CELF2: variants seen among roughly 807,000 people sequenced by gnomAD.
The protein encoded by CELF2 is CUGBP Elav-like family member 2.
In CELF2, 8 loss-of-function variants were observed where a neutral mutation model predicts 62.6. The observed-to-expected ratio is 0.13, with a 90% confidence interval of 0.07 to 0.23. The LOEUF (loss-of-function observed/expected upper bound fraction) is 0.23. Among genes scored for constraint, CELF2 ranks in the 10% least tolerant of loss-of-function variants. CELF2 has a pLI of 1.00. For missense variants in CELF2, 333 were observed against 671.0 expected (o/e 0.50, Z 5.56); for synonymous variants, 258 against 250.0 (o/e 1.03, Z -0.30).
Position 11,159,278 on chromosome 10 carries a change from T to G in CELF2, c.75-6208T>G, listed in dbSNP as rs1037100310. On this transcript the variant is annotated intron_variant, in intron 1 of 12. Transcript: ENST00000633077. This position sits in a 1 kb window ranked among gnomAD's most constrained non-coding sequence, Gnocchi z 5.0. The stretch of plus-strand genomic sequence containing the variant: ...TGATAACCAAAACATTTTGTTAAAT[T>G]TACCCAAAGTTTTCAGCAGCCCTGG... 6.6e-6 allele frequency among the ~76,000 whole-genome samples: 1 copy of G among 152,216 alleles called. No homozygotes were observed. The highest frequency in any genetic ancestry group is 1.9e-4 in the East Asian group (1 of 5,202).
the CELF2 span, among the ~76,000 whole-genome samples, chr10:10,466,379 T>C: frequency 8.5e-5 from 13 of 152,172 alleles, no homozygotes; most frequent in African/African-American, 2.7e-4. Flanking sequence ...TACTGTTGCA[T>C]ACATCAGTAG....
chr10:10,990,303 A>T lies in CELF2; in HGVS notation c.89+70304A>T, dbSNP rs2053286040. On this transcript the variant is annotated intron_variant, in intron 2 of 13. Transcript: ENST00000636488. The surrounding 1 kb of genome is among the most constrained non-coding windows in gnomAD (Gnocchi z 4.6). ...AAAAGGATTAAAAATTCTGATCAAT[A>T]CAACCACAGTTTTATATAAAGAGAC... is the stretch of plus-strand genomic sequence containing the variant. Among the ~76,000 whole-genome samples, 2 of 151,588 alleles carry T rather than the reference A, an allele frequency of 1.3e-5. No homozygotes were observed. The highest frequency in any genetic ancestry group is 3.0e-5 in the Non-Finnish European group (2 of 67,732).
intron 2 of CELF2, among the ~76,000 whole-genome samples, chr10:10,985,470 C>G (rs984273942): frequency 7.9e-5 from 12 of 152,066 alleles, no homozygotes; most frequent in Admixed American, 2.0e-4. Flanking sequence ...GAAGAAAGGG[C>G]CCTTTTGTAA....
chr10:11,285,573 G>GA lies in CELF2; in HGVS notation c.842-2845_842-2844insA, dbSNP rs997054045. 2.0e-5 allele frequency among the ~76,000 whole-genome samples: 3 copies of GA among 152,190 alleles called. No homozygotes were observed. Among genetic ancestry groups the GA allele is most frequent in the African/African-American group, 7.2e-5 (3 of 41,428 alleles). ...GTTCCAGGACCTTTAGTGAATGTCA[G>GA]TGGGTGAGAGAAGGACTAAACATGG... On this transcript the variant is annotated intron_variant, in intron 8 of 12. Transcript: ENST00000633077. This position sits in a 1 kb window ranked among gnomAD's most constrained non-coding sequence, Gnocchi z 4.3.
chr10:10,758,170 A>G, the CELF2 span, among the ~76,000 whole-genome samples: 1 of 152,218 alleles, frequency 6.6e-6, no homozygotes, highest in African/African-American at 2.4e-5. Flanking sequence ...ACAGCTCTAG[A>G]TATAACTAAG....
At chr10:10,482,328 T>A in the CELF2 span, among the ~76,000 whole-genome samples, 8 of 152,206 alleles carry the variant, frequency 5.3e-5, no homozygotes, top group Non-Finnish European at 1.0e-4. Context: ...TTTATATAAA[T>A]CACCTAATTT....
At chr10:10,556,285 T>C in the CELF2 span, among the ~76,000 whole-genome samples, 2 of 151,912 alleles carry the variant, frequency 1.3e-5, no homozygotes, top group Non-Finnish European at 2.9e-5. Flanking sequence ...ATCTGGTGTT[T>C]GGTTTTTTGT....
At chr10:10,810,266 A>G (rs1390729352) in intron 1 of CELF2, among the ~76,000 whole-genome samples, 3 of 152,292 alleles carry the variant, frequency 2.0e-5, no homozygotes, top group Admixed American at 6.5e-5. Flanking sequence ...TCTTTACTCC[A>G]TTTTTTTAAT....
At chr10:11,236,741 C>T (rs767339704) in intron 3 of CELF2, among the ~76,000 whole-genome samples, 1 of 152,172 alleles carries the variant, frequency 6.6e-6, no homozygotes, top group Non-Finnish European at 1.5e-5. Flanking sequence ...CCCAACCTAA[C>T]TTGAAGTATA....
intron 3 of CELF2, among the ~76,000 whole-genome samples, chr10:11,232,405 C>T (rs1193740218): frequency 6.6e-6 from 1 of 152,142 alleles, no homozygotes; most frequent in Non-Finnish European, 1.5e-5. Context: ...AGTCAGATGA[C>T]TCGAGTCTCC....
chr10:10,866,081 C>T (rs914106305), intron 1 of CELF2, among the ~76,000 whole-genome samples: 1 of 152,030 alleles, frequency 6.6e-6, no homozygotes, highest in African/African-American at 2.4e-5. Context: ...CAGGAAGAGC[C>T]GCGGCCTGTC....
chr10:10,635,005 G>A, the CELF2 span, among the ~76,000 whole-genome samples: 2 of 152,122 alleles, frequency 1.3e-5, no homozygotes, highest in East Asian at 3.9e-4. Context: ...CTCCCTGGAG[G>A]CCACACAGCA....
chr10:11,148,452 C>T (rs1481006194), intron 1 of CELF2, among the ~76,000 whole-genome samples: 1 of 152,130 alleles, frequency 6.6e-6, no homozygotes, highest in African/African-American at 2.4e-5. Flanking sequence ...AATAGAAATA[C>T]AGGGCTGTAA....
the CELF2 span, among the ~76,000 whole-genome samples, chr10:10,516,616 G>T: frequency 1.3e-5 from 2 of 151,696 alleles, no homozygotes. Flanking sequence ...CTGAGAGCTG[G>T]TTTTTCTCAT....
chr10:10,621,895 C>G, the CELF2 span, among the ~76,000 whole-genome samples: 1 of 152,264 alleles, frequency 6.6e-6, no homozygotes, highest in East Asian at 1.9e-4. Flanking sequence ...GCATAAGTTT[C>G]TCTAGGAGAT....
the CELF2 span, among the ~76,000 whole-genome samples, chr10:10,629,805 T>C: frequency 7.0e-6 from 1 of 141,948 alleles, no homozygotes; most frequent in Non-Finnish European, 1.5e-5. Flanking sequence ...GCACGTGATG[T>C]CATGTTATGT....
chr10:11,069,391 C>G (rs1453296901), intron 1 of CELF2, among the ~76,000 whole-genome samples: 2 of 152,102 alleles, frequency 1.3e-5, no homozygotes, highest in African/African-American at 4.8e-5. Flanking sequence ...ATTCTTCAGA[C>G]GAAGATATCC....
At chr10:10,671,878 C>T in the CELF2 span, among the ~76,000 whole-genome samples, 7 of 152,118 alleles carry the variant, frequency 4.6e-5, no homozygotes, top group South Asian at 4.2e-4. Context: ...TACAGGCATA[C>T]GCTGCCACAC....
Position 11,257,073 on chromosome 10 carries a change from C to T in CELF2, c.404-665C>T, listed in dbSNP as rs568235105. Among the ~76,000 whole-genome samples the T allele has an allele frequency of 3.9e-5, 6 of 152,186 alleles. No homozygotes were observed. In the East Asian group the frequency reaches 1.2e-3, roughly 29 times the overall value. ...CGGTAACTAACCTGGCTGCTTAGAA[C>T]CAGGTGCGGGACCTGGTTAGCACTG... is the stretch of plus-strand genomic sequence containing the variant. On this transcript the variant is annotated intron_variant, in intron 4 of 12. Coordinates refer to ENST00000633077, the MANE Select transcript of CELF2 (RefSeq NM_001326342.2).
Sources: gnomAD v4.1 joint callset for allele counts (sites outside exome capture counted in the v4.1 genomes callset) on GRCh38, gnomAD v4.1.1 for gene constraint, Gnocchi (gnomAD v3.1) non-coding constraint, MANE v1.5 for transcripts, NCBI Gene and HGNC (gene_info 2026-07-23, HGNC 2026-07-21) for gene names.